The following IGF1R variants were observed in gnomAD, a reference collection of about 807,000 sequenced individuals.
IGF1R encodes the protein insulin-like growth factor 1 receptor.
IGF1R carries 44 observed loss-of-function variants against 144.6 expected under a neutral mutation model. That is an observed-to-expected ratio of 0.30 (90% CI 0.24 to 0.39). IGF1R has a LOEUF of 0.39. Among genes scored for constraint, IGF1R ranks in the 10% least tolerant of loss-of-function variants. IGF1R has a pLI of 1.00. For synonymous variants in IGF1R, 795 were observed against 722.8 expected (o/e 1.10, Z -1.60); for missense variants, 1,355 against 1,833.7 (o/e 0.74, Z 4.77).
Position 98,922,337 on chromosome 15 carries a change from A to G in IGF1R, c.2391A>G (p.Thr797=), listed in dbSNP as rs756695511. Residue 797 remains threonine, a synonymous_variant, in exon 11 of 21, where the codon ACA becomes ACG. Transcript: ENST00000650285. ...RTVISNLRPF[T]LYRIDIHSCN... is the part of the protein sequence containing the mutation. ...TCATTTCTAACCTTCGGCCTTTCAC[A>G]TTGTACCGCATCGATATCCACAGCT... is the stretch of plus-strand genomic sequence containing the variant. 1.3e-5 allele frequency: 21 copies of G among 1,614,030 alleles called. No individual in the cohort carries two copies. The highest frequency in any genetic ancestry group is 2.2e-5 in the East Asian group (1 of 44,884).
chr15:98,937,882 G>A (rs932528798), intron 17 of IGF1R, among the ~76,000 whole-genome samples: 5 of 152,254 alleles, frequency 3.3e-5, no homozygotes, highest in South Asian at 4.1e-4. Context: ...TGCATCACAC[G>A]TATCTAAAGC....
At chr15:98,789,370 C>A (rs529440348) in intron 2 of IGF1R, among the ~76,000 whole-genome samples, 120 of 152,252 alleles carry the variant, frequency 7.9e-4, no homozygotes, top group African/African-American at 1.8e-3. Flanking sequence ...AAAACCACAA[C>A]TTTAATTTAT....
chr15:98,837,707 C>T (rs2011112452), intron 2 of IGF1R, among the ~76,000 whole-genome samples: 1 of 152,046 alleles, frequency 6.6e-6, no homozygotes, highest in Non-Finnish European at 1.5e-5. Context: ...ATTATTACTG[C>T]CATGCTTTAA....
At chr15:98,652,600 T>C (rs976611145) in intron 1 of IGF1R, among the ~76,000 whole-genome samples, 1 of 152,194 alleles carries the variant, frequency 6.6e-6, no homozygotes, top group African/African-American at 2.4e-5. Flanking sequence ...CTAAGAAATA[T>C]GCTAAGGTTG....
chr15:98,709,606 C>T (rs1352615161), intron 2 of IGF1R, among the ~76,000 whole-genome samples: 2 of 152,124 alleles, frequency 1.3e-5, no homozygotes, highest in East Asian at 3.9e-4. Flanking sequence ...AAAATTTTAT[C>T]TGAAAAGTAA....
intron 15 of IGF1R, among the ~76,000 whole-genome samples, chr15:98,932,592 A>T (rs2151705248): frequency 6.6e-6 from 1 of 152,336 alleles, no homozygotes; most frequent in South Asian, 2.1e-4. Context: ...TAAACAGTTA[A>T]TTCTGATTAA....
intron 2 of IGF1R, among the ~76,000 whole-genome samples, chr15:98,856,255 C>T (rs775121969): frequency 6.6e-6 from 1 of 152,238 alleles, no homozygotes; most frequent in African/African-American, 2.4e-5. Flanking sequence ...CGAGGACAAT[C>T]GTAGCCTTCC....
intron 2 of IGF1R, among the ~76,000 whole-genome samples, chr15:98,857,587 T>C (rs549305623): frequency 2.0e-4 from 31 of 152,340 alleles, no homozygotes; most frequent in African/African-American, 7.5e-4. Flanking sequence ...TCTAGCACCG[T>C]CCAGTGGAAG....
At chr15:98,815,370 G>C (rs1394117018) in intron 2 of IGF1R, among the ~76,000 whole-genome samples, 1 of 152,204 alleles carries the variant, frequency 6.6e-6, no homozygotes, top group Non-Finnish European at 1.5e-5. Context: ...AATTGCCTCA[G>C]TGAAGTTGTT....
intron 5 of IGF1R, among the ~76,000 whole-genome samples, 190 bp downstream of exon 5, chr15:98,899,811 G>A (rs1368879900): frequency 1.3e-5 from 2 of 152,170 alleles, no homozygotes; most frequent in African/African-American, 4.8e-5. Flanking sequence ...GGAGGTTGCT[G>A]TTTGGAAAAC....
chr15:98,903,692 A>G (rs2014591534), intron 5 of IGF1R, among the ~76,000 whole-genome samples: 1 of 152,232 alleles, frequency 6.6e-6, no homozygotes, highest in Non-Finnish European at 1.5e-5. Flanking sequence ...AGTGGATAGA[A>G]AGATAAATGG....
intron 2 of IGF1R, among the ~76,000 whole-genome samples, chr15:98,866,884 G>C (rs1231056634): frequency 2.6e-5 from 4 of 152,190 alleles, no homozygotes; most frequent in African/African-American, 9.7e-5. Flanking sequence ...ACGGGTACGT[G>C]GAGGAAGTGT....
Position 98,748,546 on chromosome 15 carries a change from A to G in IGF1R, c.640+40439A>G, listed in dbSNP as rs539646247. Among the ~76,000 whole-genome samples, 135 of 152,340 alleles carry G rather than the reference A, an allele frequency of 8.9e-4. 1 individual carries two copies. Among genetic ancestry groups the G allele is most frequent in the Non-Finnish European group, 2.4e-4 (16 of 68,040 alleles). On this transcript the variant is annotated intron_variant, in intron 2 of 20. Transcript: ENST00000650285. ...TCTTTAGCAATTATGTGTAAAGTGG[A>G]AATGAGCGTGCAAATCGTCATTTTC...
chr15:98,885,348 A>G (rs1243064037), intron 2 of IGF1R, among the ~76,000 whole-genome samples: 1 of 152,224 alleles, frequency 6.6e-6, no homozygotes, highest in Admixed American at 6.5e-5. Context: ...GGCCTGGGGC[A>G]GGACGCTGCA....
chr15:98,817,747 C>T (rs181957552), intron 2 of IGF1R, among the ~76,000 whole-genome samples: 2 of 152,334 alleles, frequency 1.3e-5, no homozygotes, highest in Admixed American at 1.3e-4. Flanking sequence ...CTCTCCCTCT[C>T]TGTGTTCATT....
At chr15:98,817,306 AT>A (rs1280921145) in intron 2 of IGF1R, among the ~76,000 whole-genome samples, 4 of 318 alleles carry the variant, frequency 0.013, no homozygotes, top group Admixed American at 0.2. Flanking sequence ...TGTCTCAAAA[AT>A]AATAATAATA....
chr15:98,737,945 C>G (rs1344200037), intron 2 of IGF1R, among the ~76,000 whole-genome samples: 1 of 152,154 alleles, frequency 6.6e-6, no homozygotes, highest in Non-Finnish European at 1.5e-5. Flanking sequence ...AAAAGTGATT[C>G]CTGGTCCCGC....
At chr15:98,872,419 G>A (rs530419799) in intron 2 of IGF1R, among the ~76,000 whole-genome samples, 1 of 152,340 alleles carries the variant, frequency 6.6e-6, no homozygotes, top group African/African-American at 2.4e-5. Flanking sequence ...TGAGAGACCA[G>A]CGGGTCATAA....
intron 2 of IGF1R, among the ~76,000 whole-genome samples, chr15:98,868,720 G>T (rs904698731): frequency 1.3e-5 from 2 of 152,092 alleles, no homozygotes; most frequent in African/African-American, 4.8e-5. Flanking sequence ...AGATGGGAAC[G>T]GCAGGCCCTC....
Sources: allele counts gnomAD v4.1 joint callset (sites outside exome capture counted in the v4.1 genomes callset), GRCh38; gene constraint gnomAD v4.1.1; transcripts MANE v1.5; gene names NCBI Gene and HGNC (gene_info 2026-07-23, HGNC 2026-07-21).